The following RANBP2 variants were observed in gnomAD, a reference collection of about 807,000 sequenced individuals.
The protein encoded by RANBP2 is RAN binding protein 2.
RANBP2 carries 57 observed loss-of-function variants against 303.6 expected under a neutral mutation model. That is an observed-to-expected ratio of 0.19 (90% confidence interval 0.15 to 0.23). The LOEUF (loss-of-function observed/expected upper bound fraction) is 0.23, where lower values mean the gene tolerates loss of function less well. RANBP2 is among the 10% of genes least tolerant of loss of function. RANBP2 has a pLI of 1.00. For synonymous variants in RANBP2, 1,167 were observed against 1,301.5 expected (o/e 0.90, Z 2.23); for missense variants, 3,138 against 3,780.8 (o/e 0.83, Z 4.46).
At chr2:108,762,036 TAG>T (rs1448278911) in intron 18 of RANBP2, 63 bp from the exon 19 acceptor site, 2 of 1,585,668 alleles carry the variant, frequency 1.3e-6, no homozygotes, top group Admixed American at 1.7e-5. Flanking sequence ...AGCTCTTGCC[TAG>T]ATAGTCTTAA....
the RANBP2 span, among the ~76,000 whole-genome samples, chr2:109,360,456 C>A: frequency 9.2e-5 from 14 of 152,066 alleles, no homozygotes; most frequent in African/African-American, 3.4e-4. Flanking sequence ...TATAAAATTA[C>A]CTTCAGGTTG....
the RANBP2 span, among the ~76,000 whole-genome samples, chr2:109,245,233 C>T: frequency 1.3e-5 from 2 of 152,136 alleles, no homozygotes; most frequent in Non-Finnish European, 2.9e-5. Context: ...GGTCATCTTA[C>T]TGGCTGCTCT....
At chr2:108,732,336 C>T (rs1232100299) in intron 4 of RANBP2, among the ~76,000 whole-genome samples, 6 of 152,106 alleles carry the variant, frequency 3.9e-5, no homozygotes, top group Admixed American at 3.9e-4. Context: ...ATCCTAAATG[C>T]TCCAGAATCT....
At chr2:109,385,160 T>G in the RANBP2 span, among the ~76,000 whole-genome samples, 965 of 152,354 alleles carry the variant, frequency 6.3e-3, 10 homozygotes, top group East Asian at 0.047. Context: ...AAGCTCTGGC[T>G]CTCTCTGTCA....
the RANBP2 span, chr2:108,791,890 C>A: frequency 2.3e-6 from 3 of 1,300,102 alleles, no homozygotes; most frequent in Non-Finnish European, 3.1e-6. Flanking sequence ...TAACACTGGC[C>A]CCCAAGAGTT....
At chr2:108,964,587 A>T in the RANBP2 span, among the ~76,000 whole-genome samples, 1 of 152,252 alleles carries the variant, frequency 6.6e-6, no homozygotes, top group Admixed American at 6.5e-5. Context: ...TAATCTTTTA[A>T]CAACAAAGGG....
rs187018864 is a variant in RANBP2 at position 108,783,718 on chromosome 2, C to G, written c.9492C>G (p.Gly3164=). 1.2e-6 allele frequency: 2 copies of G among 1,612,358 alleles called. No homozygotes were observed. The highest frequency in any genetic ancestry group is 4.5e-5 in the East Asian group (2 of 44,824). ...GTTTACTATCCATGGCCAATCAAGG[C>G]CAGAATACCAATAATTCTCAATTTG... The part of the protein sequence containing the change: ...GPGLLSMANQ[G]QNTNNSQFVI... Residue 3164 remains glycine (G), a synonymous_variant, in exon 29 of 29, where the codon GGC becomes GGG. Coordinates refer to ENST00000283195, the MANE Select transcript of RANBP2 (RefSeq NM_006267.5).
At chr2:109,412,129 A>G in the RANBP2 span, among the ~76,000 whole-genome samples, 2 of 152,256 alleles carry the variant, frequency 1.3e-5, no homozygotes, top group Non-Finnish European at 2.9e-5. Flanking sequence ...ATGCCGGCAC[A>G]GATGGGATGG....
chr2:109,650,549 A>G, the RANBP2 span, among the ~76,000 whole-genome samples: 4 of 152,056 alleles, frequency 2.6e-5, no homozygotes, highest in African/African-American at 4.8e-5. Context: ...AGGACCACTG[A>G]TGTGGTTTGA....
chr2:109,477,972 C>A, the RANBP2 span, among the ~76,000 whole-genome samples: 1 of 152,196 alleles, frequency 6.6e-6, no homozygotes, highest in African/African-American at 2.4e-5. Context: ...AGGGTTCCCG[C>A]AAGGGCCTCC....
the RANBP2 span, among the ~76,000 whole-genome samples, chr2:109,655,713 G>C: frequency 6.6e-6 from 1 of 152,144 alleles, no homozygotes; most frequent in Non-Finnish European, 1.5e-5. Flanking sequence ...TGAACTGTTT[G>C]TGTGGTCTCT....
chr2:109,240,044 C>G, the RANBP2 span, among the ~76,000 whole-genome samples: 1 of 152,194 alleles, frequency 6.6e-6, no homozygotes, highest in Non-Finnish European at 1.5e-5. Context: ...GGCCGGGGCT[C>G]TGGCCCAGAC....
chr2:109,155,150 C>T, the RANBP2 span, among the ~76,000 whole-genome samples: 21 of 152,268 alleles, frequency 1.4e-4, no homozygotes, highest in South Asian at 6.2e-4. Flanking sequence ...TGCTGATGTT[C>T]GGTGGTGTTC....
At chr2:109,206,623 C>T in the RANBP2 span, among the ~76,000 whole-genome samples, 1 of 149,632 alleles carries the variant, frequency 6.7e-6, no homozygotes, top group East Asian at 2.0e-4. Flanking sequence ...GCCTGGGAAA[C>T]ATAAGTAAGA....
the RANBP2 span, among the ~76,000 whole-genome samples, chr2:109,480,208 C>T: frequency 2.0e-5 from 3 of 152,226 alleles, no homozygotes; most frequent in Non-Finnish European, 4.4e-5. Context: ...TGCATGGCAC[C>T]AAACATCTGT....
chr2:108,723,110 A>C (rs531764517), intron 1 of RANBP2, among the ~76,000 whole-genome samples: 1 of 152,164 alleles, frequency 6.6e-6, no homozygotes, highest in Admixed American at 6.5e-5. Flanking sequence ...TTTTGGGCGT[A>C]AATGATCCAC....
the RANBP2 span, among the ~76,000 whole-genome samples, chr2:109,443,645 A>C: frequency 5.3e-5 from 8 of 152,240 alleles, no homozygotes; most frequent in Admixed American, 5.2e-4. Flanking sequence ...AAAAATTATT[A>C]GAGATAAAAA....
chr2:109,334,008 C>T, the RANBP2 span, among the ~76,000 whole-genome samples: 6 of 152,248 alleles, frequency 3.9e-5, no homozygotes, highest in Admixed American at 3.9e-4. Flanking sequence ...GGGCAGGTTT[C>T]TAAGACTTTA....
chr2:109,035,826 A>C, the RANBP2 span, among the ~76,000 whole-genome samples: 68 of 152,326 alleles, frequency 4.5e-4, no homozygotes, highest in Admixed American at 1.6e-3. Flanking sequence ...ACACAAAAAA[A>C]ATAATTAAAC....
Sources: allele counts gnomAD v4.1 joint callset (sites outside exome capture counted in the v4.1 genomes callset), GRCh38; gene constraint gnomAD v4.1.1; transcripts MANE v1.5; gene names NCBI Gene and HGNC (gene_info 2026-07-23, HGNC 2026-07-21).